The following TTC39A variants were observed in gnomAD, a reference collection of about 807,000 sequenced individuals.
The protein encoded by TTC39A is tetratricopeptide repeat protein 39A.
TTC39A carries 46 observed loss-of-function variants against 82.3 expected under a neutral mutation model. The observed-to-expected ratio is 0.56, with a 90% CI of 0.44 to 0.71. The LOEUF is 0.71. Among genes scored for constraint, TTC39A ranks in the 30% least tolerant of loss-of-function variants. The pLI, the probability that TTC39A is intolerant of heterozygous loss-of-function variation, is 0.00. For missense variants in TTC39A, 543 were observed against 712.9 expected (o/e 0.76, Z 2.71); for synonymous variants, 254 against 275.2 (o/e 0.92, Z 0.76).
intron 5 of TTC39A, among the ~76,000 whole-genome samples, chr1:51,310,184 C>T (rs368652329): frequency 1.2e-4 from 18 of 152,082 alleles, no homozygotes; most frequent in African/African-American, 3.9e-4. Context: ...TTGCAGTGAG[C>T]CAAGATCACA....
Position 51,330,404 on chromosome 1 carries a change from C to G in TTC39A, c.41+33G>C. ...CTGCCCGGGCCCCAGCCCGCGCCGC[C>G]CGCGCCCCCGGGCCTCCCAGCCGCG... On this transcript the variant is annotated intron_variant, in intron 1 of 17. Coordinates refer to ENST00000680483, the MANE Select transcript of TTC39A (RefSeq NM_001297663.2). The surrounding 1 kb of genome is among the most constrained non-coding windows in gnomAD (Gnocchi z 4.5). 1.0e-6 allele frequency: 1 copy of G among 980,114 alleles called. No homozygotes were observed. Among genetic ancestry groups the G allele is most frequent in the Non-Finnish European group, 1.2e-6 (1 of 827,728 alleles). The allele number at this position is 980,114 out of a possible 1,614,324, so 60.7% of individuals were successfully genotyped here.
chr1:51,303,810 G>A (rs1180766337), intron 8 of TTC39A, among the ~76,000 whole-genome samples: 2 of 152,094 alleles, frequency 1.3e-5, no homozygotes, highest in Admixed American at 6.6e-5. Flanking sequence ...AGTAGGTCCC[G>A]CAACCCTCCT....
intron 13 of TTC39A, chr1:51,295,572 G>C (rs1038303262): frequency 6.1e-6 from 1 of 163,126 alleles, no homozygotes; most frequent in Non-Finnish European, 1.4e-5. Flanking sequence ...TTATTATCTA[G>C]TTGATTTGCA....
At chr1:51,305,916 G>A in intron 7 of TTC39A, 61 bp downstream of exon 7, 1 of 1,529,882 alleles carries the variant, frequency 6.5e-7, no homozygotes, top group Non-Finnish European at 9.1e-7. Context: ...ACATGAGTCA[G>A]GGACAGAAGG....
At chr1:51,319,293 CA>C (rs1645404921) in intron 2 of TTC39A, among the ~76,000 whole-genome samples, 1 of 151,806 alleles carries the variant, frequency 6.6e-6, no homozygotes. Flanking sequence ...GGAAATCTTC[CA>C]AAAATCAGAT....
intron 1 of TTC39A, chr1:51,325,878 A>T (rs1645694341): frequency 6.6e-6 from 1 of 152,280 alleles, no homozygotes; most frequent in Non-Finnish European, 1.5e-5. Flanking sequence ...CCGGATGGAC[A>T]GTCAGTGCAG....
At chr1:51,290,653 A>G in intron 14 of TTC39A, 28 bp from the exon 15 acceptor site, 2 of 1,591,984 alleles carry the variant, frequency 1.3e-6, no homozygotes, top group Non-Finnish European at 1.7e-6. Flanking sequence ...AGTCAGTCCT[A>G]GGTTTCTTCC....
At chr1:51,313,132 A>G (rs1343643545) in intron 2 of TTC39A, among the ~76,000 whole-genome samples, 189 bp from the exon 3 acceptor site, 1 of 152,188 alleles carries the variant, frequency 6.6e-6, no homozygotes, top group East Asian at 1.9e-4. Context: ...TTCTGTTTCC[A>G]GCTTGCCTTC....
chr1:51,306,104 A>C, intron 6 of TTC39A, 28 bp from the exon 7 acceptor site: 2 of 1,562,260 alleles, frequency 1.3e-6, no homozygotes, highest in Non-Finnish European at 1.8e-6. Flanking sequence ...GTCCTGTTTC[A>C]GCCACTGCTG....
At chr1:51,316,016 G>A (rs1014150154) in intron 2 of TTC39A, among the ~76,000 whole-genome samples, 2 of 152,166 alleles carry the variant, frequency 1.3e-5, no homozygotes, top group African/African-American at 2.4e-5. Context: ...TTGGCAATGA[G>A]CCCCAGGGAA....
chr1:51,324,214 G>A (rs970729968), intron 1 of TTC39A, among the ~76,000 whole-genome samples: 30 of 152,254 alleles, frequency 2.0e-4, no homozygotes, highest in Admixed American at 1.1e-3. Flanking sequence ...GGTGGGGGCG[G>A]ACCTTTTTTC....
intron 1 of TTC39A, among the ~76,000 whole-genome samples, chr1:51,340,685 T>C (rs755699191): frequency 1.3e-5 from 2 of 152,216 alleles, no homozygotes; most frequent in Admixed American, 1.3e-4. Context: ...CTTCCTCTTA[T>C]AATCATCACT....
intron 10 of TTC39A, 41 bp from the exon 11 acceptor site, chr1:51,302,457 T>C: frequency 1.2e-6 from 2 of 1,606,618 alleles, no homozygotes; most frequent in Non-Finnish European, 1.7e-6. Context: ...GTCCGTGGGG[T>C]CTGTGGGTGT....
In TTC39A at chr1:51,288,639, G is replaced by A. The variant is rs927638349; in HGVS notation, c.1610+200C>T. 1.3e-5 allele frequency among the ~76,000 whole-genome samples: 2 copies of A among 152,180 alleles called. No individual in the cohort carries two copies. Among genetic ancestry groups the A allele is most frequent in the African/African-American group, 2.4e-5 (1 of 41,450 alleles). ...ACTTCCTGCCTCTGGGAGTCTAACT[G>A]CGCATTTATACATTAAGAAAGAAGT... is the stretch of plus-strand genomic sequence containing the variant. On this transcript the variant is annotated intron_variant, in intron 17 of 17. Transcript: ENST00000680483. This position sits in a 1 kb window ranked among gnomAD's most constrained non-coding sequence, Gnocchi z 4.8.
At chr1:51,339,306 G>A (rs72694114) in intron 1 of TTC39A, among the ~76,000 whole-genome samples, 1,977 of 152,304 alleles carry the variant, frequency 0.013, 17 homozygotes, top group Middle Eastern at 0.02. Context: ...TTGGCAGGGT[G>A]TCATGGGGCA....
Position 51,288,007 on chromosome 1 carries a change from T to C in TTC39A, c.*150A>G. ...ACACTGGTGAAAATGCCAGCTCGGC[T>C]TCTGCACGGATACACTATGTTGTGC... On this transcript the variant is annotated 3_prime_UTR_variant, in exon 18 of 18. Coordinates refer to ENST00000680483, the MANE Select transcript of TTC39A (RefSeq NM_001297663.2). This position sits in a 1 kb window ranked among gnomAD's most constrained non-coding sequence, Gnocchi z 4.8. The C allele has an allele frequency of 7.7e-7, 1 of 1,293,816 alleles. No individual in the cohort carries two copies. The highest frequency in any genetic ancestry group is 2.6e-5 in the East Asian group (1 of 39,132). The allele number at this position is 1,293,816 out of a possible 1,614,324, so 80.1% of individuals were successfully genotyped here.
At chr1:51,344,875 C>T (rs1052586674) in intron 1 of TTC39A, 1 of 1,316,092 alleles carries the variant, frequency 7.6e-7, no homozygotes, top group Non-Finnish European at 1.0e-6. Flanking sequence ...GCCCAGCAGC[C>T]ACACACCCTT....
intron 1 of TTC39A, among the ~76,000 whole-genome samples, chr1:51,337,734 A>G (rs1445705844): frequency 6.6e-6 from 1 of 151,848 alleles, no homozygotes; most frequent in African/African-American, 2.4e-5. Flanking sequence ...GCCCCTTTCT[A>G]TTTAAAATTG....
At chr1:51,331,714 A>G (rs568528402), upstream of TTC39A, 91 of 985,436 alleles carry the variant, frequency 9.2e-5, no homozygotes, top group South Asian at 3.9e-3. Context: ...ACTTGCAAGA[A>G]TCATCCCATC....
Sources: gnomAD v4.1 joint callset for allele counts (sites outside exome capture counted in the v4.1 genomes callset) on GRCh38, gnomAD v4.1.1 for gene constraint, Gnocchi (gnomAD v3.1) non-coding constraint, MANE v1.5 for transcripts, NCBI Gene and HGNC (gene_info 2026-07-23, HGNC 2026-07-21) for gene names.